XPO1: variants seen among roughly 807,000 people sequenced by gnomAD.
The protein encoded by XPO1 is exportin 1, also known as exportin-1.
Under a neutral mutation model 133.3 loss-of-function variants are expected in XPO1, and 5 were observed. The ratio of observed to expected loss-of-function variants is 0.04; its 90% confidence interval spans 0.02 to 0.08. The LOEUF (loss-of-function observed/expected upper bound fraction) is 0.08. Ranked by LOEUF, XPO1 falls within the 10% of genes least tolerant of loss-of-function variation. The pLI is 1.00. For synonymous variants in XPO1, 419 were observed against 408.2 expected (o/e 1.03, Z -0.32); for missense variants, 506 against 1,267.5 (o/e 0.40, Z 9.12).
At chr2:61,500,184 T>C (rs1697433077) in intron 6 of XPO1, among the ~76,000 whole-genome samples, 2 of 152,142 alleles carry the variant, frequency 1.3e-5, no homozygotes, top group Middle Eastern at 3.2e-3. Flanking sequence ...GATAGATATG[T>C]AGAAATTATT....
chr2:61,520,677 T>A (rs1035689549), intron 4 of XPO1, among the ~76,000 whole-genome samples: 1 of 152,142 alleles, frequency 6.6e-6, no homozygotes, highest in African/African-American at 2.4e-5. Context: ...AAAAATTTTT[T>A]AAATTAATTT....
intron 7 of XPO1, among the ~76,000 whole-genome samples, chr2:61,499,228 G>A (rs548266594): frequency 2.0e-5 from 3 of 152,146 alleles, no homozygotes; most frequent in Admixed American, 6.5e-5. Context: ...GTTAACAATT[G>A]GGGAACTGAA....
chr2:61,493,167 T>A, intron 12 of XPO1, 114 bp from the exon 13 acceptor site: 1 of 1,062,842 alleles, frequency 9.4e-7, no homozygotes, highest in Non-Finnish European at 1.3e-6. Flanking sequence ...CAGCCATGTG[T>A]AGGGATTCAT....
chr2:61,513,253 G>A (rs74763367), intron 4 of XPO1, among the ~76,000 whole-genome samples: 2,531 of 152,096 alleles, frequency 0.017, 55 homozygotes, highest in African/African-American at 0.056. Flanking sequence ...CGCCTGCCTT[G>A]GCCTCCCAGT....
intron 9 of XPO1, among the ~76,000 whole-genome samples, chr2:61,498,217 C>G (rs1006698763): frequency 2.6e-5 from 4 of 152,178 alleles, no homozygotes; most frequent in Admixed American, 6.5e-5. Flanking sequence ...GCCACAGCCT[C>G]CCGAGTAGCT....
intron 10 of XPO1, 45 bp downstream of exon 10, chr2:61,496,834 G>C: frequency 1.4e-6 from 2 of 1,452,512 alleles, no homozygotes; most frequent in Non-Finnish European, 1.8e-6. Context: ...TATTTTCTAA[G>C]GCACTAAAAT....
Position 61,485,810 on chromosome 2 carries a change from T to G in XPO1, c.2466A>C (p.Ile822=). Residue 822 remains isoleucine (I), a synonymous_variant, in exon 20 of 25, where the codon ATA becomes ATC. Coordinates refer to ENST00000401558, the MANE Select transcript of XPO1 (RefSeq NM_003400.4). ...GGHITAEIPQ[I]FDAVFECTLN... Reference sequence around the variant, plus strand: ...ATGTGCATTCAAAAACAGCATCAAATATTTGAGGTATTTCAGCTGTTATAT... The same window carrying G: ...ATGTGCATTCAAAAACAGCATCAAAGATTTGAGGTATTTCAGCTGTTATAT... The G allele has an allele frequency of 2.5e-6, 4 of 1,613,588 alleles. No individual in the cohort carries two copies. The highest frequency in any genetic ancestry group is 3.4e-6 in the Non-Finnish European group (4 of 1,179,806).
chr2:61,502,624 G>A (rs904828155), intron 4 of XPO1: 9 of 224,256 alleles, frequency 4.0e-5, no homozygotes, highest in African/African-American at 7.0e-5. Context: ...GTGGTGGCGG[G>A]TGCCTGTAAT....
intron 11 of XPO1, among the ~76,000 whole-genome samples, chr2:61,495,036 G>C (rs1396381293): frequency 1.3e-5 from 2 of 151,882 alleles, no homozygotes; most frequent in Non-Finnish European, 2.9e-5. Flanking sequence ...TAGAGACAGA[G>C]ATTCACGATG....
chr2:61,528,729 TTATTTATATATATATATATATATATA>T (rs1558679519), intron 2 of XPO1, among the ~76,000 whole-genome samples: 1 of 98,900 alleles, frequency 1.0e-5, no homozygotes. Context: ...TGTCGACATT[TTATTTATATATATATATATATATATA>T]TATATATATA....
At position 61,493,036 on chromosome 2, in the gene XPO1, A is replaced by C. The variant is rs1697068151; in HGVS notation, c.1263T>G (p.Val421=). The C allele has an allele frequency of 6.3e-7, 1 of 1,599,452 alleles. No homozygotes were observed. The highest frequency in any genetic ancestry group is 8.5e-7 in the Non-Finnish European group (1 of 1,176,788). The change falls in exon 13 of 25, where the codon GTT becomes GTG. Residue 421 remains valine, a synonymous_variant. Coordinates refer to ENST00000401558, the MANE Select transcript of XPO1 (RefSeq NM_003400.4). The stretch of plus-strand genomic sequence containing the variant: ...CTTCCTCTGGTTTAGCCATTCGACT[A>C]ACCATTAATAAACGGACCTATACTC... ...PMLFKVRLLM[V]SRMAKPEEVL...
chr2:61,497,258 G>C (rs950196202), intron 9 of XPO1, among the ~76,000 whole-genome samples: 10 of 152,074 alleles, frequency 6.6e-5, no homozygotes, highest in Non-Finnish European at 1.3e-4. Context: ...GCTCGCCCAG[G>C]CTGAAATGCA....
chr2:61,529,832 C>T (rs1273260785), intron 2 of XPO1, among the ~76,000 whole-genome samples: 1 of 152,190 alleles, frequency 6.6e-6, no homozygotes, highest in Admixed American at 6.5e-5. Flanking sequence ...TATGGTTGTT[C>T]TCTACCCAGA....
chr2:61,519,723 AC>A (rs1698597106), intron 4 of XPO1, among the ~76,000 whole-genome samples: 2 of 144,312 alleles, frequency 1.4e-5, no homozygotes, highest in African/African-American at 2.5e-5. Flanking sequence ...AAAAAAAAAA[AC>A]ACCACGTAAA....
chr2:61,493,932 G>T lies in XPO1; in HGVS notation c.1207C>A (p.Pro403Thr). 6.2e-7 allele frequency: 1 copy of T among 1,614,090 alleles called. No individual in the cohort carries two copies. The highest frequency in any genetic ancestry group is 8.5e-7 in the Non-Finnish European group (1 of 1,179,998). ...GGCAAATATAGCTGTCTCCTGGGAG[G>T]AACATCAAAATGTTGACTTCCAGAA... The part of the protein sequence containing the change: ...LLSGSQHFDV[P>T]PRRQLYLPML... The change falls in exon 12 of 25, where the codon CCT (proline) becomes ACT (threonine). Residue 403 changes from proline to threonine, a missense_variant. Physicochemically the swap from Pro to Thr is conservative, Grantham distance 38. Coordinates refer to ENST00000401558, the MANE Select transcript of XPO1 (RefSeq NM_003400.4).
chr2:61,491,712 G>C (rs1421373852), intron 16 of XPO1, among the ~76,000 whole-genome samples: 4 of 152,028 alleles, frequency 2.6e-5, no homozygotes, highest in Non-Finnish European at 5.9e-5. Flanking sequence ...TGGGCCACTT[G>C]GCAAAACCCC....
intron 6 of XPO1, among the ~76,000 whole-genome samples, chr2:61,500,578 CAAA>C (rs56213841): frequency 1.8e-3 from 72 of 40,410 alleles, no homozygotes; most frequent in African/African-American, 7.5e-3. Flanking sequence ...GACTCCATCT[CAAA>C]AAAAAAAAAA....
chr2:61,520,981 T>C (rs1384028488), intron 4 of XPO1, among the ~76,000 whole-genome samples: 3 of 152,178 alleles, frequency 2.0e-5, no homozygotes, highest in Middle Eastern at 3.2e-3. Context: ...GAATAAAGTA[T>C]GAAGGACCTA....
At chr2:61,483,882 A>T in intron 21 of XPO1, 55 bp downstream of exon 21, 1 of 1,544,934 alleles carries the variant, frequency 6.5e-7, no homozygotes, top group South Asian at 1.1e-5. Flanking sequence ...ACAATTAACT[A>T]TATTTGTATT....
Sources: allele counts gnomAD v4.1 joint callset (sites outside exome capture counted in the v4.1 genomes callset), GRCh38; gene constraint gnomAD v4.1.1; transcripts MANE v1.5; gene names NCBI Gene and HGNC (gene_info 2026-07-23, HGNC 2026-07-21).